Variants in TINAGL1 observed in about 807,000 individuals in gnomAD.
TINAGL1 encodes tubulointerstitial nephritis antigen-like.
Under a neutral mutation model 62.0 loss-of-function variants are expected in TINAGL1, and 34 were observed. The ratio of observed to expected loss-of-function variants is 0.55; its 90% CI spans 0.42 to 0.73. TINAGL1 has a LOEUF of 0.73. TINAGL1 is among the 30% of genes least tolerant of loss of function. TINAGL1 has a pLI of 0.00. For missense variants in TINAGL1, 516 were observed against 653.2 expected, an observed-to-expected ratio of 0.79 and a Z score of 2.29; for synonymous variants, 221 against 249.7, an observed-to-expected ratio of 0.88 and a Z score of 1.08.
chr1:31,578,454 T>C (rs1231780985), intron 2 of TINAGL1, among the ~76,000 whole-genome samples: 2 of 146,952 alleles, frequency 1.4e-5, no homozygotes, highest in Non-Finnish European at 3.0e-5. Context: ...TGTGTGTGTG[T>C]GTGTGATGTC....
Position 31,585,960 on chromosome 1 carries a change from T to A in TINAGL1, c.1217+84T>A. ...GAGCCTGCCTTGGGTTCTTACAACC[T>A]CTCTAAAAAGCCAGGACTGCTCTCA... On this transcript the variant is annotated intron_variant, in intron 10 of 11. Coordinates refer to ENST00000271064, the MANE Select transcript of TINAGL1 (RefSeq NM_022164.3). The surrounding 1 kb of genome is among the most constrained non-coding windows in gnomAD (Gnocchi z 4.3). 1 of 1,456,166 alleles carries A rather than the reference T, an allele frequency of 6.9e-7. No homozygotes were observed. The highest frequency in any genetic ancestry group is 9.1e-7 in the Non-Finnish European group (1 of 1,098,672). 90.2% of individuals were successfully genotyped at this position (1,456,166 alleles called of 1,614,324 possible).
chr1:31,579,061 G>GTGTGTC lies in TINAGL1; in HGVS notation c.311-142_311-141insGTGTCT, dbSNP rs376451953. The GTGTGTC allele has an allele frequency of 5.9e-4, 378 of 638,196 alleles. 1 individual carries two copies. The highest frequency in any genetic ancestry group is 4.0e-3 in the African/African-American group (215 of 53,962). 39.5% of individuals were successfully genotyped at this position (638,196 alleles called of 1,614,324 possible). On this transcript the variant is annotated intron_variant, in intron 2 of 11. Coordinates refer to ENST00000271064, the MANE Select transcript of TINAGL1 (RefSeq NM_022164.3). Reference sequence around the variant, plus strand: ...TATAGTTTAATTTCAGTGAGAGCTGGTATGTGTGTGTGTGTGTGAGACAGA... The same window carrying GTGTGTC: ...TATAGTTTAATTTCAGTGAGAGCTGGTGTGTCTATGTGTGTGTGTGTGTGAGACAGA...
Position 31,585,976 on chromosome 1 carries a change from A to G in TINAGL1, c.1217+100A>G. 1 of 1,402,542 alleles carries G rather than the reference A, an allele frequency of 7.1e-7. No individual in the cohort carries two copies. The highest frequency in any genetic ancestry group is 9.4e-7 in the Non-Finnish European group (1 of 1,060,416). The allele number at this position is 1,402,542 out of a possible 1,614,324, so 86.9% of individuals were successfully genotyped here. ...CTTACAACCTCTCTAAAAAGCCAGG[A>G]CTGCTCTCATCATTTCAATAGGGAG... On this transcript the variant is annotated intron_variant, in intron 10 of 11. Transcript: ENST00000271064. The surrounding 1 kb of genome is among the most constrained non-coding windows in gnomAD (Gnocchi z 4.3).
At chr1:31,586,198 G>T in intron 10 of TINAGL1, 1 of 317,030 alleles carries the variant, frequency 3.2e-6, no homozygotes. Context: ...CGAGTGACCT[G>T]GGAGGTCGCT....
At chr1:31,580,865 C>A in intron 3 of TINAGL1, 1 of 1,033,374 alleles carries the variant, frequency 9.7e-7, no homozygotes, top group Non-Finnish European at 1.2e-6. Flanking sequence ...CAGACACAGT[C>A]CTTGTCCCAT....
In TINAGL1 at chr1:31,586,742, C is replaced by T. The variant is rs866148003; in HGVS notation, c.1250C>T (p.Thr417Met). ...GAGGAGACGCTGCCAGATGGAAGGA[C>T]GCTCAAATACTGGGTGAGGCCGCTG... ...WGEETLPDGR[T>M]LKYWTAANSW... The change falls in exon 11 of 12, where the codon ACG becomes ATG. Residue 417 changes from threonine (T) to methionine (M), a missense_variant. Coordinates refer to ENST00000271064, the MANE Select transcript of TINAGL1 (RefSeq NM_022164.3). The T allele has an allele frequency of 1.4e-5, 21 of 1,555,144 alleles. No homozygotes were observed. The African/African-American group carries it at 1.5e-4, about 11-fold the overall frequency.
Position 31,585,076 on chromosome 1 carries a change from G to A in TINAGL1, c.857+40G>A. The stretch of plus-strand genomic sequence containing the variant: ...GGGATGTGGGCAGAGAAGAGGGCAA[G>A]GAGCTCCGTGGGCATGGCCTGGGCC... On this transcript the variant is annotated intron_variant, in intron 7 of 11. Transcript: ENST00000271064. This position sits in a 1 kb window ranked among gnomAD's most constrained non-coding sequence, Gnocchi z 4.3. 1.3e-6 allele frequency: 2 copies of A among 1,571,106 alleles called. No individual in the cohort carries two copies. Among genetic ancestry groups the A allele is most frequent in the Non-Finnish European group, 1.7e-6 (2 of 1,154,564 alleles).
chr1:31,587,150 C>A lies in TINAGL1; in HGVS notation c.*171C>A. On this transcript the variant is annotated 3_prime_UTR_variant, in exon 12 of 12. Coordinates refer to ENST00000271064, the MANE Select transcript of TINAGL1 (RefSeq NM_022164.3). Reference sequence around the variant, plus strand: ...CTGACGCAGCGCCCCGCCTGGGAGCCGCGGGCAGGCGAGACTGGCGGAGCC... The same window carrying A: ...CTGACGCAGCGCCCCGCCTGGGAGCAGCGGGCAGGCGAGACTGGCGGAGCC... The A allele has an allele frequency of 9.5e-7, 1 of 1,054,718 alleles. No homozygotes were observed. The highest frequency in any genetic ancestry group is 1.2e-6 in the Non-Finnish European group (1 of 814,938). 65.3% of individuals were successfully genotyped at this position (1,054,718 alleles called of 1,614,324 possible).
rs1280488254 is a variant in TINAGL1, at chr1:31,587,080, G to A, written c.*101G>A. The A allele has an allele frequency of 3.7e-6, 5 of 1,333,832 alleles. No individual in the cohort carries two copies. The highest frequency in any genetic ancestry group is 1.5e-5 in the African/African-American group (1 of 64,786). 82.6% of individuals were successfully genotyped at this position (1,333,832 alleles called of 1,614,324 possible). On this transcript the variant is annotated 3_prime_UTR_variant, in exon 12 of 12. Transcript: ENST00000271064. The stretch of plus-strand genomic sequence containing the variant: ...ACCCCAGCCTCGCCCGACAGAGCCC[G>A]GGGCGCAGGCGGGCGCCAGGGCGCT...
chr1:31,584,422 G>T lies in TINAGL1; in HGVS notation c.583-256G>T. 2.0e-6 allele frequency: 1 copy of T among 511,262 alleles called. No homozygotes were observed. The allele number at this position is 511,262 out of a possible 1,614,324, so 31.7% of individuals were successfully genotyped here. ...CACTTCTCTGTGCCTGGCCTCAGCT[G>T]CCTCATCTGGGAAGCAGGACTAGTC... is the stretch of plus-strand genomic sequence containing the variant. On this transcript the variant is annotated intron_variant, in intron 5 of 11. Coordinates refer to ENST00000271064, the MANE Select transcript of TINAGL1 (RefSeq NM_022164.3). This position sits in a 1 kb window ranked among gnomAD's most constrained non-coding sequence, Gnocchi z 4.0.
In TINAGL1 at chr1:31,583,224, C is replaced by T. The variant is rs1279346408; in HGVS notation, c.450C>T (p.Ile150=). 1 of 1,614,222 alleles carries T rather than the reference C, an allele frequency of 6.2e-7. No homozygotes were observed. The highest frequency in any genetic ancestry group is 1.1e-5 in the South Asian group (1 of 91,088). The part of the protein sequence containing the change: ...CLVDPDMIKA[I]NQGNYGWQAG... ...TGGATCCAGACATGATCAAAGCCAT[C>T]AACCAGGGCAACTATGGGTGAGAGG... The change falls in exon 4 of 12, where the codon ATC becomes ATT. Residue 150 remains isoleucine (I), a synonymous_variant. Coordinates refer to ENST00000271064, the MANE Select transcript of TINAGL1 (RefSeq NM_022164.3). The surrounding 1 kb of genome is among the most constrained non-coding windows in gnomAD (Gnocchi z 4.4).
Position 31,585,770 on chromosome 1 carries a change from G to A in TINAGL1, c.1111G>A (p.Glu371Lys). Residue 371 changes from glutamate to lysine, a missense_variant, in exon 10 of 12, where the codon GAG becomes AAG. Glu to Lys is a moderately conservative substitution (Grantham distance 56). Coordinates refer to ENST00000271064, the MANE Select transcript of TINAGL1 (RefSeq NM_022164.3). This position sits in a 1 kb window ranked among gnomAD's most constrained non-coding sequence, Gnocchi z 4.3. ...GPVQALMEVH[E>K]DFFLYKGGIY... ...GCCCACAGCCCTCATGGAGGTGCAT[G>A]AGGACTTCTTCCTATACAAGGGAGG... 1 of 1,613,662 alleles carries A rather than the reference G, an allele frequency of 6.2e-7. No homozygotes were observed. Among genetic ancestry groups the A allele is most frequent in the Non-Finnish European group, 8.5e-7 (1 of 1,179,814 alleles).
chr1:31,578,408 G>A (rs373745193), intron 2 of TINAGL1, among the ~76,000 whole-genome samples: 69 of 132,830 alleles, frequency 5.2e-4, no homozygotes, highest in African/African-American at 2.0e-3. Flanking sequence ...GATGCCTTCA[G>A]TTATAGTTTA....
At position 31,586,742 on chromosome 1, in the gene TINAGL1, C is replaced by A. The variant is rs866148003; in HGVS notation, c.1250C>A (p.Thr417Lys). 1.9e-6 allele frequency: 3 copies of A among 1,555,262 alleles called. No homozygotes were observed. The South Asian group carries it at 3.6e-5, about 18-fold the overall frequency. ...WGEETLPDGRTLKYWTAANSW... is the reference protein window; with the variant it reads ...WGEETLPDGRKLKYWTAANSW... ...GAGGAGACGCTGCCAGATGGAAGGA[C>A]GCTCAAATACTGGGTGAGGCCGCTG... The change falls in exon 11 of 12, where the codon ACG (threonine) becomes AAG (lysine). Residue 417 changes from threonine (T) to lysine (K), a missense_variant. Transcript: ENST00000271064.
chr1:31,586,456 C>T (rs1570221627), intron 10 of TINAGL1: 3 of 588,368 alleles, frequency 5.1e-6, no homozygotes, highest in Non-Finnish European at 9.1e-6. Flanking sequence ...GACCCAGGTT[C>T]CCTCCTCTTC....
Position 31,584,590 on chromosome 1 carries a change from G to C in TINAGL1, c.583-88G>C. 6.3e-7 allele frequency: 1 copy of C among 1,596,826 alleles called. No individual in the cohort carries two copies. Among genetic ancestry groups the C allele is most frequent in the Non-Finnish European group, 8.6e-7 (1 of 1,168,712 alleles). ...TCAAGATTAAACTGCAGAAGGCCCTGGACTTGGTGGCCCTCCAGTGCCAAT... is the reference window on the plus strand; with the variant it reads ...TCAAGATTAAACTGCAGAAGGCCCTCGACTTGGTGGCCCTCCAGTGCCAAT... On this transcript the variant is annotated intron_variant, in intron 5 of 11. Transcript: ENST00000271064. The surrounding 1 kb of genome is among the most constrained non-coding windows in gnomAD (Gnocchi z 4.0).
At position 31,585,368 on chromosome 1, in the gene TINAGL1, G is replaced by A. The variant is rs577283612; in HGVS notation, c.1047+28G>A. ...AAGTCAGCACTTGGGTGAGGGCGCCGAGGCAGGAGGGTTGTGAAAGCCTGG... is the reference window on the plus strand; with the variant it reads ...AAGTCAGCACTTGGGTGAGGGCGCCAAGGCAGGAGGGTTGTGAAAGCCTGG... On this transcript the variant is annotated intron_variant, in intron 8 of 11. Transcript: ENST00000271064. The surrounding 1 kb of genome is among the most constrained non-coding windows in gnomAD (Gnocchi z 4.3). The A allele has an allele frequency of 2.4e-5, 39 of 1,604,572 alleles. 1 individual carries two copies. In the South Asian group the frequency reaches 3.0e-4, roughly 12 times the overall value.
In TINAGL1 at chr1:31,584,480, A is replaced by T; in HGVS notation, c.583-198A>T. 1.1e-5 allele frequency: 7 copies of T among 654,414 alleles called. No individual in the cohort carries two copies. Among genetic ancestry groups the T allele is most frequent in the Non-Finnish European group, 1.8e-5 (7 of 390,594 alleles). The allele number at this position is 654,414 out of a possible 1,614,324, so 40.5% of individuals were successfully genotyped here. A position where few individuals can be genotyped will look rare whatever the true frequency, so the allele number is the denominator to read the frequency against. ...CCACCCCGCCCCGCCCCACCACCTG[A>T]TACCTGGGAGGCACTAAATGGTGCT... On this transcript the variant is annotated intron_variant, in intron 5 of 11. Transcript: ENST00000271064. The surrounding 1 kb of genome is among the most constrained non-coding windows in gnomAD (Gnocchi z 4.0).
rs937483688 is a variant in TINAGL1, at chr1:31,587,322, C to CTT, written c.*358_*359dup. ...CACTACCCCACCCCACTCCTGTATT[C>CTT]TTTTTTTTTTTTTTTTAGACAGGGT... On this transcript the variant is annotated 3_prime_UTR_variant, in exon 12 of 12. Coordinates refer to ENST00000271064, the MANE Select transcript of TINAGL1 (RefSeq NM_022164.3). The CTT allele has an allele frequency of 2.4e-3, 367 of 150,622 alleles. 1 individual carries two copies. The highest frequency in any genetic ancestry group is 8.6e-3 in the African/African-American group (333 of 38,588). 9.3% of individuals were successfully genotyped at this position (150,622 alleles called of 1,614,324 possible).
Sources: gnomAD v4.1 joint callset for allele counts (sites outside exome capture counted in the v4.1 genomes callset) on GRCh38, gnomAD v4.1.1 for gene constraint, Gnocchi (gnomAD v3.1) non-coding constraint, MANE v1.5 for transcripts, NCBI Gene and HGNC (gene_info 2026-07-23, HGNC 2026-07-21) for gene names.